ARHGAP19: variants seen among roughly 807,000 people sequenced by gnomAD.
The protein encoded by ARHGAP19 is Rho GTPase activating protein 19, also known as rho GTPase-activating protein 19.
In ARHGAP19, 48 loss-of-function variants were observed where a neutral mutation model predicts 60.9. The ratio of observed to expected loss-of-function variants is 0.79; its 90% CI spans 0.62 to 1.00. The LOEUF (loss-of-function observed/expected upper bound fraction) is 1.00. ARHGAP19 is among the 50% of genes least tolerant of loss of function. ARHGAP19 has a pLI of 0.00. For synonymous variants in ARHGAP19, 209 were observed against 215.5 expected, an observed-to-expected ratio of 0.97 and a Z score of 0.27; for missense variants, 562 against 597.2, an observed-to-expected ratio of 0.94 and a Z score of 0.61.
intron 7 of ARHGAP19, among the ~76,000 whole-genome samples, chr10:97,245,822 G>A (rs1391017713): frequency 6.6e-6 from 1 of 152,094 alleles, no homozygotes; most frequent in African/African-American, 2.4e-5. Flanking sequence ...TCTATCAGAA[G>A]GACTTTATGA....
chr10:97,247,164 A>T (rs1241279465), intron 6 of ARHGAP19, among the ~76,000 whole-genome samples: 2 of 151,892 alleles, frequency 1.3e-5, no homozygotes, highest in African/African-American at 4.8e-5. Flanking sequence ...CAAAAAAATT[A>T]GCCGGGCATG....
chr10:97,229,245 C>T lies in ARHGAP19; in HGVS notation c.1396-20G>A. 1.9e-6 allele frequency: 3 copies of T among 1,592,034 alleles called. No homozygotes were observed. Among genetic ancestry groups the T allele is most frequent in the Non-Finnish European group, 2.6e-6 (3 of 1,159,880 alleles). ...AAATAACTGTAATAAGAAAATTGTACAGTGGTTTCAATGTTCTAATGCCAT... is the reference window on the plus strand; with the variant it reads ...AAATAACTGTAATAAGAAAATTGTATAGTGGTTTCAATGTTCTAATGCCAT... On this transcript the variant is annotated intron_variant, in intron 10 of 11. Transcript: ENST00000358531.
At chr10:97,233,791 C>T (rs1447608160) in intron 9 of ARHGAP19, among the ~76,000 whole-genome samples, 1 of 151,636 alleles carries the variant, frequency 6.6e-6, no homozygotes, top group Non-Finnish European at 1.5e-5. Flanking sequence ...TGGCTTGAAA[C>T]CAGGAGGCGG....
intron 9 of ARHGAP19, among the ~76,000 whole-genome samples, chr10:97,233,230 G>T (rs1851058690): frequency 6.6e-6 from 1 of 151,968 alleles, no homozygotes. Flanking sequence ...TGCACTTGTG[G>T]TCCCAGCTAC....
At position 97,226,233 on chromosome 10, in the gene ARHGAP19, C is replaced by A. The variant is rs963277648; in HGVS notation, c.1475-101G>T. The A allele has an allele frequency of 3.3e-6, 4 of 1,212,858 alleles. No homozygotes were observed. In the South Asian group the frequency reaches 5.4e-5, roughly 16 times the overall value. The allele number at this position is 1,212,858 out of a possible 1,614,324, so 75.1% of individuals were successfully genotyped here. On this transcript the variant is annotated intron_variant, in intron 11 of 11. Transcript: ENST00000358531. Reference sequence around the variant, plus strand: ...ACAGGGTCTACACTTAATATTTTCTCCAAACTGAAGGCTAATGAGTTTAAT... The same window carrying A: ...ACAGGGTCTACACTTAATATTTTCTACAAACTGAAGGCTAATGAGTTTAAT...
At chr10:97,281,799 T>C (rs1843089144) in intron 1 of ARHGAP19, among the ~76,000 whole-genome samples, 1 of 152,136 alleles carries the variant, frequency 6.6e-6, no homozygotes, top group Admixed American at 6.6e-5. Context: ...CTTTTACCCA[T>C]ATACAAGAGA....
At chr10:97,278,908 GC>G (rs1843050935) in intron 1 of ARHGAP19, among the ~76,000 whole-genome samples, 1 of 151,948 alleles carries the variant, frequency 6.6e-6, no homozygotes, top group African/African-American at 2.4e-5. Context: ...CTGGTGAATT[GC>G]CTAACTTGAT....
chr10:97,248,705 A>G (rs929662473), intron 6 of ARHGAP19, among the ~76,000 whole-genome samples: 1 of 152,216 alleles, frequency 6.6e-6, no homozygotes, highest in African/African-American at 2.4e-5. Flanking sequence ...AGCTGGGAAC[A>G]TTTTATACCA....
rs548120807 is a variant in ARHGAP19 at position 97,238,394 on chromosome 10, A to T, written c.1186-3079T>A. Among the ~76,000 whole-genome samples, 6 of 152,096 alleles carry T rather than the reference A, an allele frequency of 3.9e-5. No homozygotes were observed. The East Asian group carries it at 1.2e-3, about 29-fold the overall frequency. ...ACTAACGAGACCAGTTAATTTTTTTAAATATTTTGTGGATACAAGGTCAAT... is the reference window on the plus strand; with the variant it reads ...ACTAACGAGACCAGTTAATTTTTTTTAATATTTTGTGGATACAAGGTCAAT... On this transcript the variant is annotated intron_variant, in intron 8 of 11. Transcript: ENST00000358531.
At chr10:97,279,176 C>T (rs701822) in intron 1 of ARHGAP19, among the ~76,000 whole-genome samples, 137,489 of 152,196 alleles carry the variant, frequency 0.9, 62,644 homozygotes, top group Non-Finnish European at 0.97. Context: ...ATCATGAAAG[C>T]TGTACATAAA....
intron 9 of ARHGAP19, among the ~76,000 whole-genome samples, 180 bp downstream of exon 9, chr10:97,235,037 T>C (rs1334338570): frequency 1.3e-5 from 2 of 152,344 alleles, no homozygotes; most frequent in African/African-American, 4.8e-5. Context: ...TTCTCTGATG[T>C]GCAACACAGC....
At chr10:97,279,476 T>TTGTG (rs373557280) in intron 1 of ARHGAP19, among the ~76,000 whole-genome samples, 1 of 108,998 alleles carries the variant, frequency 9.2e-6, no homozygotes, top group East Asian at 2.6e-4. Context: ...TTGCTTGCTT[T>TTGTG]TGTGTGTGTG....
intron 3 of ARHGAP19, among the ~76,000 whole-genome samples, chr10:97,263,848 A>C (rs1219020149): frequency 6.6e-6 from 1 of 152,310 alleles, no homozygotes; most frequent in East Asian, 1.9e-4. Flanking sequence ...CCAAACTAAA[A>C]GGTAGTCCTC....
chr10:97,259,841 TTTTG>T (rs200102849), intron 4 of ARHGAP19, among the ~76,000 whole-genome samples: 12 of 152,006 alleles, frequency 7.9e-5, no homozygotes, highest in Admixed American at 5.2e-4. Flanking sequence ...TTTTGTTTTG[TTTTG>T]TTTTTTTTGA....
At chr10:97,254,532 C>T (rs770599362) in intron 6 of ARHGAP19, among the ~76,000 whole-genome samples, 1 of 152,130 alleles carries the variant, frequency 6.6e-6, no homozygotes, top group Non-Finnish European at 1.5e-5. Flanking sequence ...CAAAACTTAA[C>T]TCAAAATGGG....
At chr10:97,272,062 C>G (rs576534507) in intron 1 of ARHGAP19, among the ~76,000 whole-genome samples, 2 of 149,644 alleles carry the variant, frequency 1.3e-5, no homozygotes, top group Admixed American at 6.7e-5. Flanking sequence ...TTAAATTTTC[C>G]TTGTAATGTC....
chr10:97,248,786 C>T (rs900029128), intron 6 of ARHGAP19, among the ~76,000 whole-genome samples: 51 of 152,244 alleles, frequency 3.3e-4, no homozygotes, highest in African/African-American at 1.1e-3. Flanking sequence ...GGGCTATCAC[C>T]GGCCAAATCT....
Position 97,264,898 on chromosome 10 carries a change from C to A in ARHGAP19, c.331G>T (p.Val111Leu), listed in dbSNP as rs1383664019. Residue 111 changes from valine (V) to leucine (L), a missense_variant, in exon 3 of 12, where the codon GTG becomes TTG. Val to Leu is a conservative substitution (Grantham distance 32, BLOSUM62 1). Transcript: ENST00000358531. Reference protein sequence around the residue: ...LMSLKRKEKGVIFGSPLTEEG... With the variant: ...LMSLKRKEKGLIFGSPLTEEG... The stretch of plus-strand genomic sequence containing the variant: ...TCCGTCAGTGGGGACCCAAATATCA[C>A]TCCTTTTTCTGAAAAACCATATGAT... The A allele has an allele frequency of 6.2e-7, 1 of 1,612,766 alleles. No individual in the cohort carries two copies. Among genetic ancestry groups the A allele is most frequent in the Admixed American group, 1.7e-5 (1 of 59,992 alleles).
intron 8 of ARHGAP19, among the ~76,000 whole-genome samples, chr10:97,240,704 G>A (rs956834277): frequency 6.6e-6 from 1 of 152,166 alleles, no homozygotes; most frequent in Non-Finnish European, 1.5e-5. Flanking sequence ...TTAATAACAT[G>A]AGAAATGTTT....
Sources: gnomAD v4.1 joint callset for allele counts (sites outside exome capture counted in the v4.1 genomes callset) on GRCh38, gnomAD v4.1.1 for gene constraint, MANE v1.5 for transcripts, NCBI Gene and HGNC (gene_info 2026-07-23, HGNC 2026-07-21) for gene names.